MAP2K3: variants seen among roughly 807,000 people sequenced by gnomAD.
MAP2K3 encodes the protein mitogen-activated protein kinase kinase 3, also known as dual specificity mitogen-activated protein kinase kinase 3.
A neutral mutation model predicts 46.4 loss-of-function variants in MAP2K3; 30 were observed. The observed-to-expected ratio is 0.65, with a 90% CI of 0.48 to 0.88. MAP2K3 has a LOEUF of 0.88. Among genes scored for constraint, MAP2K3 ranks in the 40% least tolerant of loss-of-function variants. The pLI is 0.00. For missense variants in MAP2K3, 380 were observed against 464.5 expected, an observed-to-expected ratio of 0.82 and a Z score of 1.67; for synonymous variants, 189 against 176.3, an observed-to-expected ratio of 1.07 and a Z score of -0.57.
chr17:21,297,321 A>AC (rs1976313571), intron 1 of MAP2K3, among the ~76,000 whole-genome samples: 1 of 152,310 alleles, frequency 6.6e-6, no homozygotes, highest in Non-Finnish European at 1.5e-5. Flanking sequence ...AAGCCCCAGT[A>AC]CCAGCAGCCA....
chr17:21,288,069 C>G (rs773592747), intron 1 of MAP2K3: 1 of 1,289,014 alleles, frequency 7.8e-7, no homozygotes, highest in South Asian at 1.2e-5. Context: ...AGGAGAAGGC[C>G]GGGGCAGCGG....
chr17:21,305,629 A>G (rs1818002638), intron 9 of MAP2K3, among the ~76,000 whole-genome samples: 3 of 150,800 alleles, frequency 2.0e-5, no homozygotes, highest in African/African-American at 7.3e-5. Flanking sequence ...AGAAGTCCGA[A>G]GTCCAGGTGT....
At chr17:21,300,719 A>G (rs1411820027) in intron 4 of MAP2K3, 61 bp downstream of exon 4, 1 of 1,596,230 alleles carries the variant, frequency 6.3e-7, no homozygotes, top group Non-Finnish European at 8.5e-7. Context: ...GAGCTCTGCC[A>G]TGGGGCCCTG....
chr17:21,298,518 A>T, intron 2 of MAP2K3, 39 bp downstream of exon 2: 2 of 1,614,272 alleles, frequency 1.2e-6, no homozygotes, highest in Non-Finnish European at 1.7e-6. Flanking sequence ...CACCCTGGAG[A>T]GGCTTCCCGA....
intron 9 of MAP2K3, among the ~76,000 whole-genome samples, chr17:21,308,838 G>C (rs556374940): frequency 6.6e-6 from 1 of 152,348 alleles, no homozygotes; most frequent in South Asian, 2.1e-4. Flanking sequence ...CATCCATCAT[G>C]ATTGTTGGGG....
intron 1 of MAP2K3, among the ~76,000 whole-genome samples, chr17:21,293,458 T>C (rs1976059214): frequency 6.6e-6 from 1 of 152,428 alleles, no homozygotes; most frequent in South Asian, 2.1e-4. Context: ...CTGGCAGCCA[T>C]GGTTGCCCCT....
chr17:21,301,931 G>T (rs1239343075), intron 5 of MAP2K3, among the ~76,000 whole-genome samples: 1 of 152,310 alleles, frequency 6.6e-6, no homozygotes, highest in African/African-American at 2.4e-5. Flanking sequence ...GATAGAGGAG[G>T]CTGGCGCCCG....
At chr17:21,296,550 G>C (rs1976262598) in intron 1 of MAP2K3, among the ~76,000 whole-genome samples, 1 of 152,310 alleles carries the variant, frequency 6.6e-6, no homozygotes, top group Non-Finnish European at 1.5e-5. Context: ...TGGCCTGTTG[G>C]GGTCTGCGAG....
intron 1 of MAP2K3, chr17:21,291,729 T>A (rs1386622387): frequency 1.1e-5 from 4 of 377,860 alleles, no homozygotes; most frequent in African/African-American, 8.4e-5. Context: ...ACTTGTTTGG[T>A]CTTCACGGCT....
chr17:21,303,117 G>T (rs990175148), intron 6 of MAP2K3, 66 bp from the exon 7 acceptor site: 10 of 1,605,956 alleles, frequency 6.2e-6, no homozygotes, highest in Non-Finnish European at 8.5e-6. Context: ...TTACTGCTCT[G>T]TCGTTTTTGA....
intron 9 of MAP2K3, among the ~76,000 whole-genome samples, chr17:21,310,716 G>A (rs1402034089): frequency 6.6e-6 from 1 of 152,262 alleles, no homozygotes; most frequent in Non-Finnish European, 1.5e-5. Flanking sequence ...GTGCGACTAC[G>A]GTCCTGGCTG....
At chr17:21,300,850 C>T in intron 4 of MAP2K3, 24 bp from the exon 5 acceptor site, 1 of 1,613,924 alleles carries the variant, frequency 6.2e-7, no homozygotes, top group Non-Finnish European at 8.5e-7. Context: ...ACGGCAACCT[C>T]TGAATGGCAG....
At chr17:21,307,843 A>ATT (rs1976970276) in intron 9 of MAP2K3, among the ~76,000 whole-genome samples, 2 of 81,474 alleles carry the variant, frequency 2.5e-5, no homozygotes, top group African/African-American at 9.4e-5. Context: ...ATGCCCGGCT[A>ATT]TCTTTTTTTT....
chr17:21,298,369 A>G, intron 1 of MAP2K3, 44 bp from the exon 2 acceptor site: 1 of 1,613,458 alleles, frequency 6.2e-7, no homozygotes, highest in South Asian at 1.1e-5. Context: ...GGGGACATTG[A>G]TGTCAAGGGA....
intron 3 of MAP2K3, among the ~76,000 whole-genome samples, chr17:21,299,178 G>A (rs1465077520): frequency 6.6e-6 from 1 of 152,290 alleles, no homozygotes; most frequent in African/African-American, 2.4e-5. Context: ...GAAGGTTTCT[G>A]AGCTGAGAGC....
intron 1 of MAP2K3, among the ~76,000 whole-genome samples, chr17:21,296,979 G>T (rs1976290608): frequency 6.6e-6 from 1 of 152,312 alleles, no homozygotes; most frequent in South Asian, 2.1e-4. Context: ...TGGCAGCGGG[G>T]TCCCCGGGGT....
At chr17:21,313,786 G>A (rs1263022994) in intron 11 of MAP2K3, 1 of 583,816 alleles carries the variant, frequency 1.7e-6, no homozygotes, top group South Asian at 2.0e-5. Flanking sequence ...AGGGGCCAAG[G>A]GTGGCATCAG....
At chr17:21,307,385 G>C (rs1976942769) in intron 9 of MAP2K3, among the ~76,000 whole-genome samples, 1 of 152,274 alleles carries the variant, frequency 6.6e-6, no homozygotes, top group Non-Finnish European at 1.5e-5. Context: ...AGCAGGTAGG[G>C]GTGGCTCTGG....
At chr17:21,298,771 A>C (rs1464329849) in intron 2 of MAP2K3, 107 bp from the exon 3 acceptor site, 8 of 1,535,906 alleles carry the variant, frequency 5.2e-6, no homozygotes, top group Non-Finnish European at 7.2e-6. Context: ...CCTCCGGGGC[A>C]GGAGGCACCT....
Sources: allele counts gnomAD v4.1 joint callset (sites outside exome capture counted in the v4.1 genomes callset), GRCh38; gene constraint gnomAD v4.1.1; transcripts MANE v1.5; gene names NCBI Gene and HGNC (gene_info 2026-07-23, HGNC 2026-07-21).